The following C8orf34 variants were observed in gnomAD, a reference collection of about 807,000 sequenced individuals.
The protein encoded by C8orf34 is chromosome 8 open reading frame 34.
In C8orf34, 65 loss-of-function variants were observed where a neutral mutation model predicts 68.3. The ratio of observed to expected loss-of-function variants is 0.95; its 90% CI spans 0.78 to 1.17. C8orf34 has a LOEUF of 1.17. Ranked by LOEUF, C8orf34 falls within the 50% of genes most tolerant of loss-of-function variation. The pLI, the probability that C8orf34 is intolerant of heterozygous loss-of-function variation, is 0.00. For synonymous variants in C8orf34, 244 were observed against 241.2 expected (o/e 1.01, Z -0.11); for missense variants, 664 against 655.4 (o/e 1.01, Z -0.14).
chr8:68,375,843 A>G (rs1205100372), intron 1 of C8orf34, among the ~76,000 whole-genome samples: 2 of 152,234 alleles, frequency 1.3e-5, no homozygotes, highest in African/African-American at 4.8e-5. Context: ...TTGAAGACGT[A>G]GATGCATATT....
At chr8:68,815,972 C>T (rs757939671) in intron 13 of C8orf34, 27 bp downstream of exon 13, 9 of 1,613,482 alleles carry the variant, frequency 5.6e-6, no homozygotes, top group African/African-American at 1.3e-5. Context: ...CACTTAATAT[C>T]GATGTCGGGT....
intron 12 of C8orf34, among the ~76,000 whole-genome samples, chr8:68,801,896 A>T (rs1456045452): frequency 1.5e-5 from 1 of 67,854 alleles, no homozygotes; most frequent in Non-Finnish European, 2.6e-5. Flanking sequence ...TGCAGTAATT[A>T]AAAAAAAAAA....
At chr8:68,692,550 A>G (rs910602587) in intron 8 of C8orf34, among the ~76,000 whole-genome samples, 3 of 152,080 alleles carry the variant, frequency 2.0e-5, no homozygotes, top group African/African-American at 7.2e-5. Flanking sequence ...TTTATTAGAA[A>G]AGTTATAACA....
intron 8 of C8orf34, among the ~76,000 whole-genome samples, chr8:68,651,838 G>A (rs907247117): frequency 1.3e-5 from 2 of 152,040 alleles, no homozygotes; most frequent in Admixed American, 6.6e-5. Flanking sequence ...ACTAGAAGCC[G>A]AAACCCCTCT....
chr8:68,624,655 T>G (rs1282370018), intron 7 of C8orf34, among the ~76,000 whole-genome samples: 1 of 151,908 alleles, frequency 6.6e-6, no homozygotes, highest in African/African-American at 2.4e-5. Context: ...ATATAACTAG[T>G]GTGCTTTGAT....
intron 10 of C8orf34, among the ~76,000 whole-genome samples, chr8:68,747,278 A>G (rs1453187636): frequency 6.6e-6 from 1 of 150,932 alleles, no homozygotes; most frequent in Non-Finnish European, 1.5e-5. Context: ...AGCCAATATC[A>G]TACTGAATGG....
chr8:68,805,480 C>T lies in C8orf34; in HGVS notation c.1550-10406C>T, dbSNP rs958014898. On this transcript the variant is annotated intron_variant, in intron 12 of 13. Transcript: ENST00000518698. ...TATGACTATGGATTTAACTGTTTCT[C>T]TTTGTATCAGTTCCTGCTTTATAAA... Among the ~76,000 whole-genome samples, 25 of 152,264 alleles carry T rather than the reference C, an allele frequency of 1.6e-4. No individual in the cohort carries two copies. The East Asian group carries it at 3.9e-3, about 23-fold the overall frequency.
At chr8:68,747,526 C>T (rs1216381463) in intron 10 of C8orf34, among the ~76,000 whole-genome samples, 1 of 149,208 alleles carries the variant, frequency 6.7e-6, no homozygotes, top group Non-Finnish European at 1.5e-5. Context: ...TGATAAGCAA[C>T]TTCAGCAAAG....
chr8:68,529,418 G>T (rs767150624), intron 6 of C8orf34, among the ~76,000 whole-genome samples: 1 of 152,112 alleles, frequency 6.6e-6, no homozygotes, highest in South Asian at 2.1e-4. Context: ...TATTTTCCTC[G>T]CAATCCGTAT....
At chr8:68,600,895 C>G (rs776074490) in intron 7 of C8orf34, among the ~76,000 whole-genome samples, 2 of 152,114 alleles carry the variant, frequency 1.3e-5, no homozygotes, top group Non-Finnish European at 1.5e-5. Context: ...ACCCATTCAC[C>G]AACCTGTGAA....
chr8:68,648,987 C>CATTTGGTTTCATTTTGTTTCAATGGTTT (rs1819262341), intron 8 of C8orf34, among the ~76,000 whole-genome samples: 1 of 152,054 alleles, frequency 6.6e-6, no homozygotes, highest in Non-Finnish European at 1.5e-5. Flanking sequence ...ATGTAAATAA[C>CATTTGGTTTCATTTTGTTTCAATGGTTT]CATACATTGT....
Position 68,618,162 on chromosome 8 carries a change from GTCTC to G in C8orf34, c.1106-22208_1106-22205del, listed in dbSNP as rs989247484. The stretch of plus-strand genomic sequence containing the variant: ...ATTTTAAGGGATGTTTAAACTCATG[GTCTC>G]TCTCTTTTTTCTTAGTAAAATTGCA... On this transcript the variant is annotated intron_variant, in intron 7 of 13. Coordinates refer to ENST00000518698, the MANE Select transcript of C8orf34 (RefSeq NM_052958.4). 2.6e-5 allele frequency among the ~76,000 whole-genome samples: 4 copies of G among 151,926 alleles called. No individual in the cohort carries two copies. The South Asian group carries it at 8.3e-4, about 32-fold the overall frequency.
intron 12 of C8orf34, among the ~76,000 whole-genome samples, chr8:68,790,054 T>C (rs1823948867): frequency 6.6e-6 from 1 of 152,148 alleles, no homozygotes; most frequent in African/African-American, 2.4e-5. Context: ...CATCTGGAAA[T>C]GGAATGCTAG....
intron 8 of C8orf34, among the ~76,000 whole-genome samples, chr8:68,706,274 G>A (rs1821162455): frequency 6.6e-6 from 1 of 152,194 alleles, no homozygotes; most frequent in Non-Finnish European, 1.5e-5. Flanking sequence ...GAGGAGCTGA[G>A]ACAATGAGTC....
intron 7 of C8orf34, among the ~76,000 whole-genome samples, chr8:68,570,549 T>C (rs1816732307): frequency 6.6e-6 from 1 of 152,204 alleles, no homozygotes; most frequent in Non-Finnish European, 1.5e-5. Flanking sequence ...AGTTCCCCTA[T>C]CTAATTTCTA....
At position 68,615,722 on chromosome 8, in the gene C8orf34, A is replaced by G. The variant is rs546207448; in HGVS notation, c.1106-24654A>G. 6.6e-5 allele frequency among the ~76,000 whole-genome samples: 10 copies of G among 152,234 alleles called. No homozygotes were observed. The East Asian group carries it at 9.7e-4, about 15-fold the overall frequency. On this transcript the variant is annotated intron_variant, in intron 7 of 13. Coordinates refer to ENST00000518698, the MANE Select transcript of C8orf34 (RefSeq NM_052958.4). ...TTTTATTGAGGATTTTTGCATCAAT[A>G]TTCATCAAGGATATTGGTCTAAAAT...
intron 1 of C8orf34, among the ~76,000 whole-genome samples, chr8:68,380,806 T>C (rs1807998878): frequency 1.3e-5 from 2 of 152,222 alleles, no homozygotes; most frequent in South Asian, 4.1e-4. Context: ...CTAATATATA[T>C]ATTACATTCA....
At chr8:68,770,236 A>C (rs1023957246) in intron 10 of C8orf34, among the ~76,000 whole-genome samples, 3 of 152,254 alleles carry the variant, frequency 2.0e-5, no homozygotes, top group Admixed American at 6.5e-5. Flanking sequence ...AATACCTCAT[A>C]GCTAAAGAAA....
rs528666239 is a variant in C8orf34 at position 68,331,144 on chromosome 8, C to A, written c.132C>A (p.His44Gln). ...CCCGCGGCCGGGGCCGAGCCAGCCA[C>A]GCAGGGCAGCCGAGGCTCCGGAGCT... ...THARGRGRAS[H>Q]AGQPRLRSSC... is the part of the protein sequence containing the mutation. Residue 44 changes from histidine to glutamine, a missense_variant, in exon 1 of 14, where the codon CAC becomes CAA. Transcript: ENST00000518698. 9.2e-6 allele frequency: 14 copies of A among 1,525,806 alleles called. No homozygotes were observed. The East Asian group carries it at 1.2e-4, about 13-fold the overall frequency. 94.5% of individuals were successfully genotyped at this position (1,525,806 alleles called of 1,614,324 possible).
Sources: gnomAD v4.1 joint callset for allele counts (sites outside exome capture counted in the v4.1 genomes callset) on GRCh38, gnomAD v4.1.1 for gene constraint, MANE v1.5 for transcripts, NCBI Gene and HGNC (gene_info 2026-07-23, HGNC 2026-07-21) for gene names.